The following COL28A1 variants were observed in gnomAD, a reference collection of about 807,000 sequenced individuals.
The protein encoded by COL28A1 is collagen alpha-1(XXVIII) chain.
COL28A1 carries 161 observed loss-of-function variants against 150.2 expected under a neutral mutation model. That is an observed-to-expected ratio of 1.07 (90% CI 0.94 to 1.22). The LOEUF (loss-of-function observed/expected upper bound fraction) is 1.22, where lower values mean the gene tolerates loss of function less well. COL28A1 is among the 50% of genes most tolerant of loss of function. COL28A1 has a pLI of 0.00. For synonymous variants in COL28A1, 552 were observed against 469.7 expected (o/e 1.18, Z -2.26); for missense variants, 1,617 against 1,388.3 (o/e 1.16, Z -2.62).
chr7:7,425,272 C>G (rs1256616714), intron 25 of COL28A1, among the ~76,000 whole-genome samples: 4 of 152,082 alleles, frequency 2.6e-5, no homozygotes, highest in Admixed American at 6.6e-5. Flanking sequence ...GAACCCATCT[C>G]CCATTTTGAT....
chr7:7,392,511 A>G (rs1410493661), intron 27 of COL28A1, among the ~76,000 whole-genome samples: 1 of 152,098 alleles, frequency 6.6e-6, no homozygotes. Context: ...CTGAATTTGA[A>G]TGTTGTCCTG....
At chr7:7,408,650 G>C (rs576490761) in intron 27 of COL28A1, among the ~76,000 whole-genome samples, 5 of 152,228 alleles carry the variant, frequency 3.3e-5, no homozygotes, top group African/African-American at 1.2e-4. Flanking sequence ...CCCAGATCCT[G>C]CTGTTGTTTT....
rs1182091462 is a variant in COL28A1 at position 7,432,410 on chromosome 7, C to CAAA, written c.1998+60_1998+62dup. On this transcript the variant is annotated intron_variant, in intron 25 of 34. Transcript: ENST00000399429. The stretch of plus-strand genomic sequence containing the variant: ...AGCTGATAAAAAATTTTATTTTTAC[C>CAAA]AAAGTCACCTACCTATAGGTGCACT... The CAAA allele has an allele frequency of 6.3e-4, 872 of 1,390,942 alleles. 3 individuals are homozygous for CAAA. In the African/African-American group the frequency reaches 0.011, roughly 18 times the overall value. The allele number at this position is 1,390,942 out of a possible 1,614,324, so 86.2% of individuals were successfully genotyped here.
Position 7,443,570 on chromosome 7 carries a change from C to A in COL28A1, c.1650+15G>T, listed in dbSNP as rs1221081030. 1.2e-6 allele frequency: 2 copies of A among 1,613,802 alleles called. No individual in the cohort carries two copies. Among genetic ancestry groups the A allele is most frequent in the African/African-American group, 2.7e-5 (2 of 74,916 alleles). On this transcript the variant is annotated intron_variant, in intron 20 of 34. Transcript: ENST00000399429. Reference sequence around the variant, plus strand: ...AGAACACAGGCTGCTTCCACCAACACTGTCATTTCCATACCTTGGGGCCAG... The same window carrying A: ...AGAACACAGGCTGCTTCCACCAACAATGTCATTTCCATACCTTGGGGCCAG...
At chr7:7,474,814 C>T (rs1314507399) in intron 14 of COL28A1, 145 bp from the exon 15 acceptor site, 1 of 591,082 alleles carries the variant, frequency 1.7e-6, no homozygotes, top group African/African-American at 1.9e-5. Flanking sequence ...ATGGGTAATT[C>T]TAATTGACTC....
chr7:7,419,095 A>G (rs1784261037), intron 26 of COL28A1, among the ~76,000 whole-genome samples: 1 of 152,162 alleles, frequency 6.6e-6, no homozygotes, highest in South Asian at 2.1e-4. Context: ...TATTTTCCCT[A>G]TTGAACATGC....
upstream of COL28A1, among the ~76,000 whole-genome samples, chr7:7,539,148 G>A (rs1188016963): frequency 6.6e-6 from 1 of 152,064 alleles, no homozygotes; most frequent in African/African-American, 2.4e-5. Flanking sequence ...AGTCCATTTT[G>A]TGTTGCTATA....
In COL28A1 at chr7:7,357,964, CTTT is replaced by C. The variant is rs991086506; in HGVS notation, c.*666_*668del. On this transcript the variant is annotated 3_prime_UTR_variant, in exon 35 of 35. Transcript: ENST00000399429. The stretch of plus-strand genomic sequence containing the variant: ...TTTAATGGAAGGGTATAAAAACCTT[CTTT>C]GTTTTAACATACATTAAACACTTGT... 6.6e-6 allele frequency: 1 copy of C among 151,958 alleles called. No homozygotes were observed. The highest frequency in any genetic ancestry group is 2.4e-5 in the African/African-American group (1 of 41,242). The allele number at this position is 151,958 out of a possible 1,614,324, so 9.4% of individuals were successfully genotyped here. A position where few individuals can be genotyped will look rare whatever the true frequency, so the allele number is the denominator to read the frequency against.
intron 13 of COL28A1, among the ~76,000 whole-genome samples, chr7:7,481,637 C>T (rs1779328653): frequency 6.6e-6 from 1 of 152,106 alleles, no homozygotes; most frequent in African/African-American, 2.4e-5. Context: ...TTAACACAGC[C>T]TGATCAGTGA....
intron 25 of COL28A1, among the ~76,000 whole-genome samples, chr7:7,420,654 T>C (rs1410024290): frequency 1.4e-5 from 2 of 147,150 alleles, no homozygotes; most frequent in Non-Finnish European, 3.1e-5. Flanking sequence ...CTAGTTTATG[T>C]AACTTCTCTG....
chr7:7,415,563 T>C (rs1649605171), intron 27 of COL28A1, among the ~76,000 whole-genome samples: 1 of 152,128 alleles, frequency 6.6e-6, no homozygotes, highest in African/African-American at 2.4e-5. Context: ...AGACAGAGTC[T>C]AACTCTGTTG....
chr7:7,417,872 G>A lies in COL28A1; in HGVS notation c.2123C>T (p.Ser708Leu). ...CTATTCACTTACTTTAATTCCCTGTGATCCATAGCCAGGGGGGCCAGGAGG... is the reference window on the plus strand; with the variant it reads ...CTATTCACTTACTTTAATTCCCTGTAATCCATAGCCAGGGGGGCCAGGAGG... The part of the protein sequence containing the change: ...PGPPGPPGYG[S>L]QGIKGEQGPQ... Residue 708 changes from serine to leucine, a missense_variant, in exon 27 of 35, where the codon TCA becomes TTA. Transcript: ENST00000399429. 6.2e-7 allele frequency: 1 copy of A among 1,613,232 alleles called. No homozygotes were observed. Among genetic ancestry groups the A allele is most frequent in the Non-Finnish European group, 8.5e-7 (1 of 1,179,532 alleles).
chr7:7,477,726 T>C (rs932454120), intron 13 of COL28A1, among the ~76,000 whole-genome samples: 1 of 152,124 alleles, frequency 6.6e-6, no homozygotes, highest in Non-Finnish European at 1.5e-5. Flanking sequence ...TTAACAGCAG[T>C]AAGATATACA....
At chr7:7,346,675 T>G in the COL28A1 span, among the ~76,000 whole-genome samples, 1 of 152,026 alleles carries the variant, frequency 6.6e-6, no homozygotes, top group Non-Finnish European at 1.5e-5. Flanking sequence ...CTGAGAGATC[T>G]TTTTCAAAAT....
chr7:7,535,217 GT>G (rs1481006830), intron 1 of COL28A1, among the ~76,000 whole-genome samples: 1 of 152,010 alleles, frequency 6.6e-6, no homozygotes, highest in Non-Finnish European at 1.5e-5. Flanking sequence ...AAATACCGTA[GT>G]TTTACTTTTG....
At chr7:7,357,251 T>C (rs1780387821), downstream of COL28A1, among the ~76,000 whole-genome samples, 2 of 152,146 alleles carry the variant, frequency 1.3e-5, no homozygotes, top group African/African-American at 2.4e-5. Flanking sequence ...GGTTTTACCA[T>C]GTTGGCCAGG....
At chr7:7,455,018 G>A (rs1235461428) in intron 16 of COL28A1, among the ~76,000 whole-genome samples, 1 of 152,052 alleles carries the variant, frequency 6.6e-6, no homozygotes, top group Non-Finnish European at 1.5e-5. Flanking sequence ...AGCAAGAAAA[G>A]TAATAATAAT....
the COL28A1 span, among the ~76,000 whole-genome samples, chr7:7,345,577 TTTTAAAATC>T: frequency 6.6e-6 from 1 of 152,124 alleles, no homozygotes; most frequent in Non-Finnish European, 1.5e-5. Context: ...TTGTGTCTTT[TTTTAAAATC>T]TTCATTTTAA....
chr7:7,431,072 G>C (rs1282519998), intron 25 of COL28A1: 1 of 153,168 alleles, frequency 6.5e-6, no homozygotes, highest in East Asian at 1.9e-4. Context: ...ACCTGGGAGA[G>C]GGCAAAGAGG....
Sources: gnomAD v4.1 joint callset for allele counts (sites outside exome capture counted in the v4.1 genomes callset) on GRCh38, gnomAD v4.1.1 for gene constraint, MANE v1.5 for transcripts, NCBI Gene and HGNC (gene_info 2026-07-23, HGNC 2026-07-21) for gene names.